Variants in DYRK1A observed in about 807,000 individuals in gnomAD.
DYRK1A encodes dual specificity tyrosine phosphorylation regulated kinase 1A.
In DYRK1A, 9 loss-of-function variants were observed where a neutral mutation model predicts 79.7. The observed-to-expected ratio is 0.11, with a 90% CI of 0.07 to 0.20. The LOEUF (loss-of-function observed/expected upper bound fraction) is 0.20. Among genes scored for constraint, DYRK1A ranks in the 10% least tolerant of loss-of-function variants. The pLI, the probability that DYRK1A is intolerant of heterozygous loss-of-function variation, is 1.00. For missense variants in DYRK1A, 622 were observed against 956.0 expected (o/e 0.65, Z 4.61); for synonymous variants, 349 against 329.7 (o/e 1.06, Z -0.63).
intron 2 of DYRK1A, among the ~76,000 whole-genome samples, chr21:37,453,218 G>C (rs2051517691): frequency 6.6e-6 from 1 of 152,174 alleles, no homozygotes; most frequent in African/African-American, 2.4e-5. Flanking sequence ...AAAAAAAATT[G>C]AGGTATTTTA....
chr21:37,377,582 C>T (rs1268822934), intron 1 of DYRK1A, among the ~76,000 whole-genome samples: 2 of 152,116 alleles, frequency 1.3e-5, no homozygotes, highest in African/African-American at 2.4e-5. Flanking sequence ...GATCCTCTCA[C>T]CTTAGCCTCC....
intron 2 of DYRK1A, among the ~76,000 whole-genome samples, chr21:37,458,129 A>G (rs1367764371): frequency 6.6e-6 from 1 of 152,150 alleles, no homozygotes; most frequent in African/African-American, 2.4e-5. Flanking sequence ...TCATAGTATT[A>G]CAGCATTTAG....
intron 5 of DYRK1A, among the ~76,000 whole-genome samples, chr21:37,485,565 C>T (rs115353650): frequency 9.3e-4 from 141 of 152,256 alleles, no homozygotes; most frequent in African/African-American, 3.1e-3. Context: ...GGAGTTCCTT[C>T]CCCATCCCCA....
chr21:37,378,207 T>C (rs1457374218), intron 1 of DYRK1A, among the ~76,000 whole-genome samples: 3 of 152,228 alleles, frequency 2.0e-5, no homozygotes, highest in Admixed American at 6.5e-5. Flanking sequence ...ACAAAATAAT[T>C]CATTCTTCAT....
intron 3 of DYRK1A, among the ~76,000 whole-genome samples, chr21:37,475,407 T>G (rs565375709): frequency 5.3e-5 from 8 of 152,240 alleles, no homozygotes; most frequent in Non-Finnish European, 1.0e-4. Flanking sequence ...TGTCAGATGC[T>G]TAGGGCTGGC....
chr21:37,473,650 A>G (rs2052302046), intron 3 of DYRK1A, among the ~76,000 whole-genome samples: 1 of 152,016 alleles, frequency 6.6e-6, no homozygotes, highest in South Asian at 2.1e-4. Flanking sequence ...TAGGTCTTTT[A>G]ATATATTGTG....
At chr21:37,382,583 G>A (rs557029561) in intron 1 of DYRK1A, among the ~76,000 whole-genome samples, 7 of 152,202 alleles carry the variant, frequency 4.6e-5, no homozygotes, top group Admixed American at 2.0e-4. Context: ...TAAAAACTTG[G>A]ATCTTCAACC....
intron 1 of DYRK1A, 77 bp downstream of exon 1, chr21:37,367,705 C>T (rs2049338326): frequency 6.9e-6 from 1 of 145,922 alleles, no homozygotes; most frequent in African/African-American, 2.5e-5. Context: ...GGGCCGGAGC[C>T]GAGGCCGGCC....
chr21:37,404,804 T>C (rs1459568698), intron 1 of DYRK1A, among the ~76,000 whole-genome samples: 2 of 152,216 alleles, frequency 1.3e-5, no homozygotes, highest in Admixed American at 6.5e-5. Context: ...AAGCAGGATA[T>C]GTGAGGATTA....
intron 2 of DYRK1A, among the ~76,000 whole-genome samples, chr21:37,428,050 C>T (rs974884217): frequency 4.6e-5 from 7 of 152,004 alleles, no homozygotes; most frequent in African/African-American, 1.5e-4. Context: ...AACTCTGGTA[C>T]AGGTACTGTG....
At chr21:37,438,094 C>T (rs2050979805) in intron 2 of DYRK1A, among the ~76,000 whole-genome samples, 1 of 152,064 alleles carries the variant, frequency 6.6e-6, no homozygotes, top group Non-Finnish European at 1.5e-5. Flanking sequence ...TGTTGTTGAG[C>T]ATCTTTGTAT....
Position 37,457,240 on chromosome 21 carries a change from A to AT in DYRK1A, c.11-15443dup, listed in dbSNP as rs1047786516. Among the ~76,000 whole-genome samples the AT allele has an allele frequency of 1.5e-4, 22 of 151,210 alleles. 1 individual carries two copies. The highest frequency in any genetic ancestry group is 4.2e-4 in the African/African-American group (17 of 40,714). On this transcript the variant is annotated intron_variant, in intron 2 of 11. Coordinates refer to ENST00000647188, the MANE Select transcript of DYRK1A (RefSeq NM_001347721.2). ...GCCACCACACCTGGCTAATTTTTGT[A>AT]TCCCCCCCGCAAGACAGAGTCTCAC...
Position 37,521,601 on chromosome 21 carries a change from G to A in DYRK1A, c.*9070G>A, listed in dbSNP as rs2053935792. The A allele has an allele frequency of 6.6e-6, 1 of 152,210 alleles. No individual in the cohort carries two copies. The highest frequency in any genetic ancestry group is 2.4e-5 in the African/African-American group (1 of 41,450). 9.4% of individuals were successfully genotyped at this position (152,210 alleles called of 1,614,324 possible). ...GTGTTTTTAAAAGAGTGTGAACAGA[G>A]ACCTTATTCTAATCCAGAGAGGCTG... On this transcript the variant is annotated 3_prime_UTR_variant, in exon 12 of 12. Transcript: ENST00000647188.
At chr21:37,400,876 G>T (rs1008023919) in intron 1 of DYRK1A, among the ~76,000 whole-genome samples, 1 of 152,188 alleles carries the variant, frequency 6.6e-6, no homozygotes, top group South Asian at 2.1e-4. Context: ...CAGGTGCAGT[G>T]GCTCACGCCT....
rs1006575414 is a variant in DYRK1A at position 37,501,080 on chromosome 21, T to A, written c.1213-4203T>A. 4.3e-4 allele frequency among the ~76,000 whole-genome samples: 66 copies of A among 151,734 alleles called. 1 individual carries two copies. Among genetic ancestry groups the A allele is most frequent in the African/African-American group, 1.5e-3 (64 of 41,356 alleles). ...ATTAATTTTTAAGCCTCTTTGCTAC[T>A]ATAGAATTTAATGGTATAAATTTCC... is the stretch of plus-strand genomic sequence containing the variant. On this transcript the variant is annotated intron_variant, in intron 9 of 11. Coordinates refer to ENST00000647188, the MANE Select transcript of DYRK1A (RefSeq NM_001347721.2).
In DYRK1A at chr21:37,433,281, A is replaced by C. The variant is rs184112366; in HGVS notation, c.10+12897A>C. On this transcript the variant is annotated intron_variant, in intron 2 of 11. Coordinates refer to ENST00000647188, the MANE Select transcript of DYRK1A (RefSeq NM_001347721.2). The stretch of plus-strand genomic sequence containing the variant: ...TGTTTCCTTATGTCTCTAGTCCCCA[A>C]AGGAAAGTAGGAGTGCCAAGTTTTT... Among the ~76,000 whole-genome samples the C allele has an allele frequency of 3.3e-5, 5 of 152,212 alleles. No individual in the cohort carries two copies. In the East Asian group the frequency reaches 9.6e-4, roughly 29 times the overall value.
chr21:37,500,770 A>T (rs2053418636), intron 9 of DYRK1A, among the ~76,000 whole-genome samples: 2 of 151,810 alleles, frequency 1.3e-5, no homozygotes, highest in Non-Finnish European at 2.9e-5. Flanking sequence ...ATTTTACTAT[A>T]ATTTTTTTTT....
chr21:37,382,230 T>A (rs1013019848), intron 1 of DYRK1A, among the ~76,000 whole-genome samples: 2 of 151,022 alleles, frequency 1.3e-5, no homozygotes, highest in Non-Finnish European at 1.5e-5. Flanking sequence ...AAAAAAAAAA[T>A]TAAATTTTTT....
rs1395835856 is a variant in DYRK1A at position 37,512,417 on chromosome 21, A to G, written c.2151A>G (p.Thr717=). 4 of 1,614,232 alleles carry G rather than the reference A, an allele frequency of 2.5e-6. No homozygotes were observed. The highest frequency in any genetic ancestry group is 3.3e-5 in the Admixed American group (2 of 60,028). The change falls in exon 12 of 12, where the codon ACA becomes ACG. Residue 717 remains threonine, a synonymous_variant. Coordinates refer to ENST00000647188, the MANE Select transcript of DYRK1A (RefSeq NM_001347721.2). ...GHPTYQFSAN[T]GPAHYMTEGH... is the part of the protein sequence containing the mutation. ...CAACATACCAATTTTCTGCTAATAC[A>G]GGTCCTGCACATTACATGACTGAAG...
Sources: allele counts gnomAD v4.1 joint callset (sites outside exome capture counted in the v4.1 genomes callset), GRCh38; gene constraint gnomAD v4.1.1; transcripts MANE v1.5; gene names NCBI Gene and HGNC (gene_info 2026-07-23, HGNC 2026-07-21).